The following FTCD variants were observed in gnomAD, a reference collection of about 807,000 sequenced individuals.
FTCD encodes the protein formimidoyltransferase cyclodeaminase.
In FTCD, 76 loss-of-function variants were observed where a neutral mutation model predicts 62.9. That is an observed-to-expected ratio of 1.21 (90% CI 1.00 to 1.46). The LOEUF (loss-of-function observed/expected upper bound fraction) is 1.46. Ranked by LOEUF, FTCD falls within the 40% of genes most tolerant of loss-of-function variation. The pLI is 0.00. For missense variants in FTCD, 845 were observed against 751.3 expected (o/e 1.12, Z -1.46); for synonymous variants, 397 against 336.9 (o/e 1.18, Z -1.95).
Position 46,150,263 on chromosome 21 carries a change from A to T in FTCD, c.775-13T>A. ...GGAGGCTCAGCTCCTGCCAAGGCAC[A>T]GGCAGCGTCACCCCCTGGGGGCTGG... On this transcript the variant is annotated splice_polypyrimidine_tract_variant and intron_variant, in intron 6 of 13. Coordinates refer to ENST00000397746, the MANE Select transcript of FTCD (RefSeq NM_206965.2). 3.1e-6 allele frequency: 5 copies of T among 1,608,836 alleles called. No homozygotes were observed. Among genetic ancestry groups the T allele is most frequent in the Non-Finnish European group, 4.2e-6 (5 of 1,177,988 alleles).
chr21:46,150,161 C>G lies in FTCD; in HGVS notation c.864G>C (p.Lys288Asn), dbSNP rs1192460045. The change falls in exon 7 of 14, where the codon AAG becomes AAC. Residue 288 changes from lysine to asparagine, a missense_variant. By Grantham distance (94) the Lys-to-Asn change is moderately conservative (BLOSUM62 0). Coordinates refer to ENST00000397746, the MANE Select transcript of FTCD (RefSeq NM_206965.2). ...CCTCCTCCAGGATGAAGAGGTTCTC[C>G]TTCTCGCAGTAGAAGGCGGCCGCAT... is the stretch of plus-strand genomic sequence containing the variant. ...LLDAAAFYCE[K>N]ENLFILEEEQ... The G allele has an allele frequency of 2.5e-6, 4 of 1,610,756 alleles. No homozygotes were observed. The highest frequency in any genetic ancestry group is 3.4e-6 in the Non-Finnish European group (4 of 1,179,226).
intron 10 of FTCD, among the ~76,000 whole-genome samples, chr21:46,139,266 T>TC (rs1387048973): frequency 1.3e-5 from 2 of 151,968 alleles, no homozygotes; most frequent in Non-Finnish European, 2.9e-5. Flanking sequence ...GGCCTGTGTC[T>TC]CCAACACAAG....
chr21:46,136,430 G>C (rs139773262), downstream of FTCD: 1 of 1,612,438 alleles, frequency 6.2e-7, no homozygotes, highest in East Asian at 2.2e-5. Context: ...CAGACCTGCC[G>C]GGAGCTGCAC....
chr21:46,136,504 G>A (rs763186440), downstream of FTCD: 46 of 1,612,168 alleles, frequency 2.9e-5, no homozygotes, highest in Non-Finnish European at 3.8e-5. Flanking sequence ...TCTGTCCCAT[G>A]CACAGAACCA....
Position 46,139,931 on chromosome 21 carries a change from G to A in FTCD, c.1261-1008C>T, listed in dbSNP as rs1004821420. ...TCTCCCTGGGCAGATCTTGGCCAAG[G>A]GTGTGCTTTAGGTGGCCTCATCTGC... On this transcript the variant is annotated intron_variant, in intron 10 of 13. Transcript: ENST00000397746. 1.1e-3 allele frequency among the ~76,000 whole-genome samples: 166 copies of A among 152,332 alleles called. 1 individual carries two copies. The highest frequency in any genetic ancestry group is 3.8e-3 in the African/African-American group (156 of 41,572).
intron 2 of FTCD, among the ~76,000 whole-genome samples, 192 bp downstream of exon 2, chr21:46,153,957 C>G (rs1396259311): frequency 6.6e-6 from 1 of 152,168 alleles, no homozygotes. Flanking sequence ...CCCCAGAGCA[C>G]AGCCCTGCAG....
chr21:46,152,574 G>A (rs781383804), intron 3 of FTCD: 8 of 251,574 alleles, frequency 3.2e-5, no homozygotes, highest in Non-Finnish European at 6.1e-5. Flanking sequence ...ACTTTGTCCC[G>A]TTTGTCTCTG....
intron 9 of FTCD, 58 bp from the exon 10 acceptor site, chr21:46,145,636 C>T: frequency 7.4e-7 from 1 of 1,360,020 alleles, no homozygotes; most frequent in Non-Finnish European, 9.9e-7. Context: ...GGACCGACCC[C>T]AGGAAGAGCC....
intron 8 of FTCD, 22 bp downstream of exon 8, chr21:46,146,244 G>A: frequency 6.4e-7 from 1 of 1,556,016 alleles, no homozygotes; most frequent in Non-Finnish European, 8.8e-7. Context: ...GGTGAGAAGA[G>A]GGCGGGAGGG....
At chr21:46,140,379 G>T (rs1184319493) in intron 10 of FTCD, among the ~76,000 whole-genome samples, 2 of 131,862 alleles carry the variant, frequency 1.5e-5, no homozygotes, top group African/African-American at 6.1e-5. Context: ...ACCTTCACGT[G>T]GCTCACAGGG....
At chr21:46,144,181 T>A (rs1375028931) in intron 10 of FTCD, among the ~76,000 whole-genome samples, 1 of 151,768 alleles carries the variant, frequency 6.6e-6, no homozygotes, top group Non-Finnish European at 1.5e-5. Context: ...TTGCTTTGTA[T>A]CCAATAAATA....
chr21:46,146,029 C>T (rs1020924349), intron 8 of FTCD, 82 bp from the exon 9 acceptor site: 11 of 868,538 alleles, frequency 1.3e-5, no homozygotes, highest in Non-Finnish European at 1.9e-5. Context: ...CCAGGCCCCA[C>T]GCCCGTCTGC....
chr21:46,136,763 C>G, downstream of FTCD: 1 of 1,497,888 alleles, frequency 6.7e-7, no homozygotes, highest in Non-Finnish European at 8.9e-7. Flanking sequence ...CCAAAACCGC[C>G]AACACACAAC....
Position 46,136,816 on chromosome 21 carries a change from A to G in FTCD, c.*171T>C. The G allele has an allele frequency of 6.5e-7, 1 of 1,546,814 alleles. No individual in the cohort carries two copies. The highest frequency in any genetic ancestry group is 8.7e-7 in the Non-Finnish European group (1 of 1,145,060). ...ACTTTACTGGAGGTCACATGGGACT[A>G]GGGGCCTTCTGTCCCTGCCAGCGCC... On this transcript the variant is annotated 3_prime_UTR_variant, in exon 14 of 14. Transcript: ENST00000397746.
At chr21:46,137,980 T>G (rs113300653) in intron 12 of FTCD, among the ~76,000 whole-genome samples, 1 of 152,194 alleles carries the variant, frequency 6.6e-6, no homozygotes, top group Admixed American at 6.5e-5. Context: ...CACTGCAGCC[T>G]TGACCTCCTG....
intron 8 of FTCD, 46 bp from the exon 9 acceptor site, chr21:46,145,993 G>A: frequency 1.7e-6 from 2 of 1,200,528 alleles, no homozygotes; most frequent in Non-Finnish European, 2.3e-6. Context: ...GGTTGGTGGG[G>A]GGAGCGCAGT....
intron 1 of FTCD, among the ~76,000 whole-genome samples, 158 bp downstream of exon 1, chr21:46,155,312 G>A (rs1014804543): frequency 4.6e-5 from 7 of 152,168 alleles, no homozygotes; most frequent in Non-Finnish European, 8.8e-5. Context: ...CCAGGGCCCT[G>A]AGCCACGGGA....
chr21:46,138,370 A>AG, intron 12 of FTCD, 138 bp downstream of exon 12: 1 of 793,736 alleles, frequency 1.3e-6, no homozygotes. Flanking sequence ...AGGAGGCCAA[A>AG]GCCCCGGGAA....
chr21:46,144,008 T>C (rs2079072216), intron 10 of FTCD, among the ~76,000 whole-genome samples: 1 of 152,122 alleles, frequency 6.6e-6, no homozygotes. Context: ...AAAGTATTAG[T>C]CTTTAATCTT....
Sources: gnomAD v4.1 joint callset for allele counts (sites outside exome capture counted in the v4.1 genomes callset) on GRCh38, gnomAD v4.1.1 for gene constraint, MANE v1.5 for transcripts, NCBI Gene and HGNC (gene_info 2026-07-23, HGNC 2026-07-21) for gene names.